LRIG1: variants seen among roughly 807,000 people sequenced by gnomAD.
LRIG1 encodes leucine-rich repeats and immunoglobulin-like domains protein 1.
LRIG1 carries 48 observed loss-of-function variants against 99.2 expected under a neutral mutation model. That is an observed-to-expected ratio of 0.48 (90% confidence interval 0.38 to 0.62). The LOEUF (loss-of-function observed/expected upper bound fraction) is 0.62. Among genes scored for constraint, LRIG1 ranks in the 20% least tolerant of loss-of-function variants. The probability of loss-of-function intolerance (pLI) is 0.00; values close to 1 mark genes in which losing one functional copy is unlikely to be tolerated. For synonymous variants in LRIG1, 772 were observed against 596.1 expected (o/e 1.29, Z -4.30); for missense variants, 1,646 against 1,434.4 (o/e 1.15, Z -2.38).
chr3:66,461,943 C>T (rs758510851), intron 2 of LRIG1, among the ~76,000 whole-genome samples: 3 of 152,230 alleles, frequency 2.0e-5, no homozygotes, highest in Admixed American at 2.0e-4. Context: ...GGGAAATACA[C>T]GTTTGGTGGC....
intron 10 of LRIG1, 146 bp from the exon 11 acceptor site, chr3:66,398,329 G>C (rs964448567): frequency 1.6e-6 from 1 of 627,292 alleles, no homozygotes; most frequent in Admixed American, 3.0e-5. Flanking sequence ...TTCCCAAATC[G>C]CAACACAAGC....
intron 4 of LRIG1, 23 bp downstream of exon 4, chr3:66,417,106 G>A: frequency 6.2e-7 from 1 of 1,611,096 alleles, no homozygotes; most frequent in Non-Finnish European, 8.5e-7. Context: ...GCCAGCCACA[G>A]GTGGCAGAAC....
At chr3:66,444,871 A>T (rs543961629) in intron 3 of LRIG1, among the ~76,000 whole-genome samples, 2 of 116 alleles carry the variant, frequency 0.017, no homozygotes, top group Admixed American at 0.5. Flanking sequence ...TTAGATAATT[A>T]TATATATATA....
At chr3:66,387,961 G>C (rs1443887710) in intron 12 of LRIG1, 1 of 143,928 alleles carries the variant, frequency 6.9e-6, no homozygotes, top group East Asian at 2.0e-4. Flanking sequence ...AAAAAAATTA[G>C]CCGGGTGTGG....
chr3:66,383,903 ACCACCCCTGG>A lies in LRIG1; in HGVS notation c.2071+78_2071+87del. On this transcript the variant is annotated intron_variant, in intron 14 of 18. Coordinates refer to ENST00000273261, the MANE Select transcript of LRIG1 (RefSeq NM_015541.3). The stretch of plus-strand genomic sequence containing the variant: ...CAGGGTCGAAAGGCCCACAACGCAT[ACCACCCCTGG>A]CCACACAGAGCATTTGAGAGTCTCT... The A allele has an allele frequency of 2.6e-6, 4 of 1,524,142 alleles. No individual in the cohort carries two copies. In the South Asian group the frequency reaches 5.1e-5, roughly 20 times the overall value. 94.4% of individuals were successfully genotyped at this position (1,524,142 alleles called of 1,614,324 possible). A position where few individuals can be genotyped will look rare whatever the true frequency, so the allele number is the denominator to read the frequency against.
chr3:66,482,170 G>T (rs573871597), intron 1 of LRIG1, among the ~76,000 whole-genome samples: 2 of 152,324 alleles, frequency 1.3e-5, no homozygotes, highest in East Asian at 1.9e-4. Flanking sequence ...AGTCCCCTCC[G>T]CAACACGCGT....
At chr3:66,454,582 AC>A (rs1366857147) in intron 2 of LRIG1, among the ~76,000 whole-genome samples, 8 of 152,152 alleles carry the variant, frequency 5.3e-5, no homozygotes, top group Admixed American at 4.6e-4. Flanking sequence ...TCTCTCTGAA[AC>A]GTCTGGTCTC....
chr3:66,441,601 C>T (rs1005603786), intron 3 of LRIG1, among the ~76,000 whole-genome samples: 2 of 152,196 alleles, frequency 1.3e-5, no homozygotes, highest in Admixed American at 1.3e-4. Flanking sequence ...AAGGGCATTA[C>T]AGAGGCACGC....
At chr3:66,448,015 T>C (rs1703783727) in intron 3 of LRIG1, among the ~76,000 whole-genome samples, 2 of 152,276 alleles carry the variant, frequency 1.3e-5, no homozygotes, top group Admixed American at 1.3e-4. Context: ...AACCCATTCT[T>C]ATTAAGAGCT....
At chr3:66,422,749 C>A (rs909426068) in intron 3 of LRIG1, among the ~76,000 whole-genome samples, 4 of 152,192 alleles carry the variant, frequency 2.6e-5, no homozygotes, top group Non-Finnish European at 5.9e-5. Context: ...CTACTGGTAC[C>A]AATTTACTGT....
At chr3:66,461,787 A>G (rs1226435310) in intron 2 of LRIG1, among the ~76,000 whole-genome samples, 1 of 152,132 alleles carries the variant, frequency 6.6e-6, no homozygotes, top group Non-Finnish European at 1.5e-5. Context: ...ATGCATTAAA[A>G]AGAAGGAAAG....
chr3:66,478,187 G>A (rs950658475), intron 1 of LRIG1, among the ~76,000 whole-genome samples: 1 of 152,144 alleles, frequency 6.6e-6, no homozygotes, highest in African/African-American at 2.4e-5. Context: ...GGAAATAAAT[G>A]GAGATAAATC....
intron 2 of LRIG1, among the ~76,000 whole-genome samples, chr3:66,452,218 T>C (rs528035335): frequency 6.6e-6 from 1 of 152,274 alleles, no homozygotes; most frequent in African/African-American, 2.4e-5. Flanking sequence ...AAAATGAACA[T>C]ATATACACAC....
In LRIG1 at chr3:66,380,737, C is replaced by T. The variant is rs2279288; in HGVS notation, c.2895G>A (p.Pro965=). ...GCTCTTGGTCACTCCCACCCGGCTC[C>T]GGGCCATTTGGCGCACTTGGCTGTG... The part of the protein sequence containing the change: ...DSAQPSAPNG[P]EPGGSDQEHS... The change falls in exon 18 of 19, where the codon CCG becomes CCA. Residue 965 remains proline, a synonymous_variant. Transcript: ENST00000273261. The T allele has an allele frequency of 5.1e-4, 825 of 1,614,208 alleles. 9 individuals are homozygous for T. In the East Asian group the frequency reaches 0.016, roughly 31 times the overall value.
In LRIG1 at chr3:66,423,464, G is replaced by A. The variant is rs183571567; in HGVS notation, c.366-6198C>T. ...CGCATGCCTGTAATCCCAGCTACTC[G>A]GGAGGCTGAGGCAGGAGAATTGCTT... is the stretch of plus-strand genomic sequence containing the variant. On this transcript the variant is annotated intron_variant, in intron 3 of 18. Coordinates refer to ENST00000273261, the MANE Select transcript of LRIG1 (RefSeq NM_015541.3). 6.6e-3 allele frequency among the ~76,000 whole-genome samples: 1,000 copies of A among 152,220 alleles called. 12 individuals are homozygous for A. The highest frequency in any genetic ancestry group is 0.022 in the African/African-American group (899 of 41,528).
intron 6 of LRIG1, among the ~76,000 whole-genome samples, 161 bp from the exon 7 acceptor site, chr3:66,410,433 G>C (rs540557755): frequency 1.3e-5 from 2 of 152,382 alleles, no homozygotes; most frequent in Non-Finnish European, 2.9e-5. Flanking sequence ...GTGCATGTGA[G>C]TAGGGGCTGG....
At chr3:66,413,163 C>G (rs1702523273) in intron 5 of LRIG1, 149 bp from the exon 6 acceptor site, 2 of 838,774 alleles carry the variant, frequency 2.4e-6, no homozygotes, top group Admixed American at 4.9e-5. Context: ...GGGGAGCCCA[C>G]CATGTGTCTC....
intron 3 of LRIG1, among the ~76,000 whole-genome samples, chr3:66,420,214 T>C (rs80051749): frequency 0.063 from 9,661 of 152,152 alleles, 361 homozygotes; most frequent in South Asian, 0.15. Flanking sequence ...CACCATTCAT[T>C]AGGGAAATGT....
intron 16 of LRIG1, 22 bp downstream of exon 16, chr3:66,382,251 T>C (rs1388943053): frequency 3.7e-6 from 6 of 1,613,696 alleles, no homozygotes; most frequent in Non-Finnish European, 5.1e-6. Context: ...AGAGCTCTGC[T>C]TCACAGTTAC....
Sources: gnomAD v4.1 joint callset for allele counts (sites outside exome capture counted in the v4.1 genomes callset) on GRCh38, gnomAD v4.1.1 for gene constraint, MANE v1.5 for transcripts, NCBI Gene and HGNC (gene_info 2026-07-23, HGNC 2026-07-21) for gene names.